The following DEK variants were observed in gnomAD, a reference collection of about 807,000 sequenced individuals.
DEK encodes the protein DEK proto-oncogene.
In DEK, 28 loss-of-function variants were observed where a neutral mutation model predicts 46.8. The observed-to-expected ratio is 0.60, with a 90% CI of 0.44 to 0.82. The LOEUF (loss-of-function observed/expected upper bound fraction) is 0.82. Ranked by LOEUF, DEK falls within the 40% of genes least tolerant of loss-of-function variation. DEK has a pLI of 0.00. For synonymous variants in DEK, 160 were observed against 144.5 expected (o/e 1.11, Z -0.77); for missense variants, 416 against 430.6 (o/e 0.97, Z 0.30).
Position 18,256,387 on chromosome 6 carries a change from A to G in DEK, c.426T>C (p.Tyr142=), listed in dbSNP as rs201405374. 3 of 1,613,282 alleles carry G rather than the reference A, an allele frequency of 1.9e-6. No individual in the cohort carries two copies. Among genetic ancestry groups the G allele is most frequent in the Non-Finnish European group, 2.5e-6 (3 of 1,179,612 alleles). Reference sequence around the variant, plus strand: ...TTTTCAACATTTCTTCCTTCTTTTTATATTGGACACTTCCTTTTTCAAATG... The same window carrying G: ...TTTTCAACATTTCTTCCTTCTTTTTGTATTGGACACTTCCTTTTTCAAATG... The part of the protein sequence containing the change: ...GFPFEKGSVQ[Y]KKKEEMLKKF... Residue 142 remains tyrosine (Y), a synonymous_variant, in exon 5 of 11, where the codon TAT becomes TAC. Coordinates refer to ENST00000652689, the MANE Select transcript of DEK (RefSeq NM_003472.4).
chr6:18,237,045 C>T (rs182411793), intron 8 of DEK: 4 of 206,454 alleles, frequency 1.9e-5, no homozygotes, highest in South Asian at 2.4e-4. Context: ...TGAGCTGTAA[C>T]GGCACCACTG....
chr6:18,225,800 T>A (rs763353024), intron 10 of DEK, 70 bp from the exon 11 acceptor site: 106 of 1,577,930 alleles, frequency 6.7e-5, no homozygotes, highest in Non-Finnish European at 8.8e-5. Flanking sequence ...CACATCTATT[T>A]TACTATTTTG....
At position 18,259,430 on chromosome 6, in the gene DEK, A is replaced by ATAAAT. The variant is rs770696167; in HGVS notation, c.146-1026_146-1025insATTTA. On this transcript the variant is annotated intron_variant, in intron 2 of 10. Transcript: ENST00000652689. ...AAAAAAAAAAAAAAAAAAAAAAAAA[A>ATAAAT]AAATCTAGAAAACAGGTAGCATATA... 7.2e-5 allele frequency among the ~76,000 whole-genome samples: 7 copies of ATAAAT among 96,742 alleles called. 1 individual carries two copies. Among genetic ancestry groups the ATAAAT allele is most frequent in the Non-Finnish European group, 1.7e-4 (7 of 42,170 alleles). The allele number at this position is 96,742 out of a possible 152,430, so 63.5% of individuals were successfully genotyped here. A position where few individuals can be genotyped will look rare whatever the true frequency, so the allele number is the denominator to read the frequency against.
chr6:18,248,595 ATACT>A (rs1448484143), intron 7 of DEK, among the ~76,000 whole-genome samples: 1 of 152,222 alleles, frequency 6.6e-6, no homozygotes, highest in African/African-American at 2.4e-5. Context: ...GAAGCATTTC[ATACT>A]TAGCTTTATA....
intron 9 of DEK, among the ~76,000 whole-genome samples, chr6:18,227,177 A>G (rs1790172336): frequency 6.6e-6 from 1 of 152,040 alleles, no homozygotes. Context: ...TGTGCTGAGG[A>G]GGGTTAGTAT....
intron 9 of DEK, among the ~76,000 whole-genome samples, chr6:18,232,397 T>G (rs562713534): frequency 3.0e-4 from 46 of 152,296 alleles, no homozygotes; most frequent in Non-Finnish European, 5.9e-4. Context: ...TAAAGGGTAT[T>G]CAATTAGGAA....
Position 18,237,381 on chromosome 6 carries a change from CT to C in DEK, c.897del (p.Glu300LysfsTer13). 1.3e-6 allele frequency: 2 copies of C among 1,587,228 alleles called. No individual in the cohort carries two copies. The highest frequency in any genetic ancestry group is 1.9e-5 in the Admixed American group (1 of 52,038). ...CTGATTAATGTTATTTCTAACATAC[CT>C]TTTTTGGAACTGTTTTGATTCTTCT... ...TTKKNQNSSK[K>X]ESESEDSSDD... is the part of the protein sequence containing the mutation. On this transcript the variant is annotated frameshift_variant and splice_region_variant, in exon 8 of 11. Coordinates refer to ENST00000652689, the MANE Select transcript of DEK (RefSeq NM_003472.4). LOFTEE classifies it high-confidence loss of function.
intron 7 of DEK, among the ~76,000 whole-genome samples, chr6:18,248,912 A>G (rs1005950797): frequency 2.6e-5 from 4 of 152,206 alleles, no homozygotes; most frequent in Non-Finnish European, 5.9e-5. Flanking sequence ...TGATTACCCA[A>G]TCTATAGAGC....
At chr6:18,249,010 CCA>C (rs140821) in intron 7 of DEK, among the ~76,000 whole-genome samples, 37,534 of 151,948 alleles carry the variant, frequency 0.25, 5,527 homozygotes, top group African/African-American at 0.41. Context: ...TCTCCTGTAC[CCA>C]CTCTCCATGA....
rs531432561 is a variant in DEK at position 18,248,663 on chromosome 6, G to A, written c.762+988C>T. 3.9e-5 allele frequency among the ~76,000 whole-genome samples: 6 copies of A among 152,054 alleles called. No homozygotes were observed. In the South Asian group the frequency reaches 1.2e-3, roughly 32 times the overall value. The stretch of plus-strand genomic sequence containing the variant: ...CAAGCATGAATTGTAAATAACTCAA[G>A]ACAAACATACATACTAAACACCCAC... On this transcript the variant is annotated intron_variant, in intron 7 of 10. Transcript: ENST00000652689.
At position 18,237,534 on chromosome 6, in the gene DEK, A is replaced by G. The variant is rs374881821; in HGVS notation, c.763-18T>C. 29 of 1,595,462 alleles carry G rather than the reference A, an allele frequency of 1.8e-5. No individual in the cohort carries two copies. Among genetic ancestry groups the G allele is most frequent in the African/African-American group, 9.5e-5 (7 of 73,410 alleles). On this transcript the variant is annotated intron_variant, in intron 7 of 10. Transcript: ENST00000652689. ...TTTGGTGGCTGTTACAAAAGAAAGT[A>G]AAAGTACACATATTGATGAGATTCA...
At chr6:18,239,849 G>A (rs899580503) in intron 7 of DEK, among the ~76,000 whole-genome samples, 1 of 152,114 alleles carries the variant, frequency 6.6e-6, no homozygotes, top group African/African-American at 2.4e-5. Flanking sequence ...CTCTGAAAGG[G>A]AATCCTAAAA....
At chr6:18,247,892 G>T (rs991956741) in intron 7 of DEK, among the ~76,000 whole-genome samples, 1 of 151,964 alleles carries the variant, frequency 6.6e-6, no homozygotes, top group African/African-American at 2.4e-5. Context: ...GGCTGGTCTC[G>T]AACTCCTGAC....
chr6:18,254,008 T>C (rs952168084), intron 6 of DEK, among the ~76,000 whole-genome samples: 6 of 151,924 alleles, frequency 3.9e-5, no homozygotes, highest in East Asian at 2.0e-4. Context: ...AGGCCCTTCA[T>C]AGATTTTAAA....
intron 6 of DEK, among the ~76,000 whole-genome samples, chr6:18,252,277 A>G (rs1032241055): frequency 1.3e-5 from 2 of 152,198 alleles, no homozygotes; most frequent in African/African-American, 4.8e-5. Flanking sequence ...TGGGAGGCCA[A>G]GGTGAGAGGA....
intron 6 of DEK, among the ~76,000 whole-genome samples, chr6:18,252,344 T>C (rs1199063736): frequency 6.6e-6 from 1 of 151,486 alleles, no homozygotes; most frequent in African/African-American, 2.4e-5. Context: ...CCCTTGTCTC[T>C]AAGAAAATGT....
At chr6:18,231,610 A>G (rs1343144715) in intron 9 of DEK, among the ~76,000 whole-genome samples, 1 of 152,210 alleles carries the variant, frequency 6.6e-6, no homozygotes, top group African/African-American at 2.4e-5. Context: ...AAACTAGAAA[A>G]TCTAGATGAA....
chr6:18,228,411 A>G (rs1790230909), intron 9 of DEK, among the ~76,000 whole-genome samples: 1 of 152,032 alleles, frequency 6.6e-6, no homozygotes, highest in African/African-American at 2.4e-5. Flanking sequence ...AGATGGCCGA[A>G]TAGGAACAGC....
chr6:18,255,277 T>C (rs1005187215), intron 6 of DEK, among the ~76,000 whole-genome samples: 1 of 152,208 alleles, frequency 6.6e-6, no homozygotes, highest in Non-Finnish European at 1.5e-5. Context: ...AGGAAACTTG[T>C]AAGAGTTAGC....
Sources: gnomAD v4.1 joint callset for allele counts (sites outside exome capture counted in the v4.1 genomes callset) on GRCh38, gnomAD v4.1.1 for gene constraint, MANE v1.5 for transcripts, NCBI Gene and HGNC (gene_info 2026-07-23, HGNC 2026-07-21) for gene names.